Variants in ATP11A observed in about 807,000 individuals in gnomAD.
The protein encoded by ATP11A is phospholipid-transporting ATPase IH.
In ATP11A, 81 loss-of-function variants were observed where a neutral mutation model predicts 154.4. The observed-to-expected ratio is 0.52, with a 90% CI of 0.44 to 0.63. ATP11A has a LOEUF of 0.63. Among genes scored for constraint, ATP11A ranks in the 30% least tolerant of loss-of-function variants. ATP11A has a pLI of 0.00. For missense variants in ATP11A, 1,316 were observed against 1,474.3 expected (o/e 0.89, Z 1.76); for synonymous variants, 623 against 585.9 (o/e 1.06, Z -0.91).
chr13:112,756,057 A>C (rs569977934), intron 1 of ATP11A, among the ~76,000 whole-genome samples: 1 of 152,396 alleles, frequency 6.6e-6, no homozygotes, highest in South Asian at 2.1e-4. Context: ...CGTCACTCAG[A>C]GCAGATTCTA....
intron 1 of ATP11A, among the ~76,000 whole-genome samples, chr13:112,725,584 C>T (rs563453256): frequency 3.9e-5 from 6 of 152,312 alleles, no homozygotes; most frequent in African/African-American, 9.6e-5. Flanking sequence ...ATGCCTCTAA[C>T]GACCAAGTGT....
intron 1 of ATP11A, among the ~76,000 whole-genome samples, chr13:112,768,657 ATGTT>A (rs912072086): frequency 1.3e-5 from 2 of 152,250 alleles, no homozygotes; most frequent in African/African-American, 4.8e-5. Context: ...GTATACTAAC[ATGTT>A]TGTTTGTGAA....
At chr13:112,736,080 C>T (rs1444654020) in intron 1 of ATP11A, among the ~76,000 whole-genome samples, 3 of 152,186 alleles carry the variant, frequency 2.0e-5, no homozygotes, top group African/African-American at 7.2e-5. Flanking sequence ...TCCCTTTGAC[C>T]TTGCTTAAGG....
chr13:112,755,659 G>C (rs1275558408), intron 1 of ATP11A, among the ~76,000 whole-genome samples: 3 of 151,998 alleles, frequency 2.0e-5, no homozygotes, highest in Non-Finnish European at 4.4e-5. Flanking sequence ...AGTCAGGGAA[G>C]CATCAATCAG....
chr13:112,865,123 G>T (rs371912462), intron 25 of ATP11A, among the ~76,000 whole-genome samples: 1 of 83,634 alleles, frequency 1.2e-5, no homozygotes, highest in African/African-American at 4.6e-5. Flanking sequence ...TCCCAGCGGG[G>T]TCCATCACCA....
At chr13:112,769,693 A>G (rs2077181130) in intron 1 of ATP11A, among the ~76,000 whole-genome samples, 1 of 152,166 alleles carries the variant, frequency 6.6e-6, no homozygotes, top group Non-Finnish European at 1.5e-5. Context: ...TCTAAGGGAA[A>G]GCTGCCGATT....
Position 112,851,236 on chromosome 13 carries a change from A to C in ATP11A, c.1991+18A>C. On this transcript the variant is annotated intron_variant, in intron 18 of 29. Coordinates refer to ENST00000375645, the MANE Select transcript of ATP11A (RefSeq NM_015205.3). Reference sequence around the variant, plus strand: ...GAGGACCGGTAAAGTAAACGCATGCATCCCGTCCTGAGAGACAAACTGGGA... The same window carrying C: ...GAGGACCGGTAAAGTAAACGCATGCCTCCCGTCCTGAGAGACAAACTGGGA... The C allele has an allele frequency of 6.2e-7, 1 of 1,604,740 alleles. No individual in the cohort carries two copies. Among genetic ancestry groups the C allele is most frequent in the South Asian group, 1.1e-5 (1 of 90,848 alleles).
chr13:112,722,370 T>C (rs1456481463), intron 1 of ATP11A, among the ~76,000 whole-genome samples: 1 of 152,140 alleles, frequency 6.6e-6, no homozygotes, highest in Non-Finnish European at 1.5e-5. Context: ...TTTTTTCTAA[T>C]GGACAGTTGG....
intron 6 of ATP11A, among the ~76,000 whole-genome samples, chr13:112,817,979 A>G (rs1420992784): frequency 6.6e-6 from 1 of 152,228 alleles, no homozygotes; most frequent in Non-Finnish European, 1.5e-5. Context: ...CATTTGTGAA[A>G]TGGGGACAAC....
chr13:112,691,986 A>C (rs558456716), intron 1 of ATP11A, among the ~76,000 whole-genome samples: 2 of 151,588 alleles, frequency 1.3e-5, no homozygotes, highest in Non-Finnish European at 1.5e-5. Context: ...GCCTTGTGTT[A>C]CTCCCTCACT....
At chr13:112,810,450 C>G (rs753624635) in intron 4 of ATP11A, among the ~76,000 whole-genome samples, 169 bp from the exon 5 acceptor site, 4 of 152,188 alleles carry the variant, frequency 2.6e-5, no homozygotes, top group Non-Finnish European at 4.4e-5. Flanking sequence ...CATGCCGATG[C>G]TCTGTCAAGG....
chr13:112,763,189 C>A (rs912067955), intron 1 of ATP11A, among the ~76,000 whole-genome samples: 1 of 152,168 alleles, frequency 6.6e-6, no homozygotes, highest in Non-Finnish European at 1.5e-5. Context: ...ACAGCTATTA[C>A]GTTGTAAACC....
intron 1 of ATP11A, among the ~76,000 whole-genome samples, chr13:112,752,125 C>T (rs1220375684): frequency 1.3e-5 from 2 of 152,104 alleles, no homozygotes; most frequent in Non-Finnish European, 2.9e-5. Flanking sequence ...TGTTTCCTTT[C>T]TTAGGGCCTC....
intron 17 of ATP11A, among the ~76,000 whole-genome samples, chr13:112,846,151 T>C (rs2140309289): frequency 6.6e-6 from 1 of 152,302 alleles, no homozygotes; most frequent in South Asian, 2.1e-4. Context: ...GGAGTGATGC[T>C]GTGTTTCTTT....
intron 1 of ATP11A, among the ~76,000 whole-genome samples, chr13:112,748,098 G>A (rs761075192): frequency 7.2e-5 from 11 of 152,300 alleles, no homozygotes; most frequent in Admixed American, 6.5e-4. Flanking sequence ...TGTGTATGAG[G>A]TGTGTGTGAA....
chr13:112,789,271 T>G (rs952911759), intron 2 of ATP11A, among the ~76,000 whole-genome samples: 2 of 149,638 alleles, frequency 1.3e-5, no homozygotes, highest in South Asian at 2.1e-4. Flanking sequence ...CGTAGACTCC[T>G]GTGGAGACCT....
At chr13:112,710,570 G>A (rs906682265) in intron 1 of ATP11A, among the ~76,000 whole-genome samples, 3 of 152,216 alleles carry the variant, frequency 2.0e-5, no homozygotes, top group Non-Finnish European at 2.9e-5. Context: ...AGGAGGCGGC[G>A]GAGGCCTCTG....
In ATP11A at chr13:112,820,977, C is replaced by T. The variant is rs146926613; in HGVS notation, c.725+1027C>T. On this transcript the variant is annotated intron_variant, in intron 8 of 29. Transcript: ENST00000375645. ...AGAAAACCATTTGTGCACTTCTTAG[C>T]ATGTGCTTGTTATCATTACCCATCA... Among the ~76,000 whole-genome samples the T allele has an allele frequency of 1.7e-4, 26 of 152,330 alleles. No homozygotes were observed. In the East Asian group the frequency reaches 4.8e-3, roughly 28 times the overall value.
intron 2 of ATP11A, among the ~76,000 whole-genome samples, chr13:112,803,823 C>A (rs1274524653): frequency 9.3e-6 from 1 of 107,840 alleles, no homozygotes; most frequent in Non-Finnish European, 1.9e-5. Context: ...TCCTTCCTCT[C>A]CTTCCCCTCC....
Sources: allele counts gnomAD v4.1 joint callset (sites outside exome capture counted in the v4.1 genomes callset), GRCh38; gene constraint gnomAD v4.1.1; transcripts MANE v1.5; gene names NCBI Gene and HGNC (gene_info 2026-07-23, HGNC 2026-07-21).